Variants in ECSIT observed in about 807,000 individuals in gnomAD.
ECSIT encodes evolutionarily conserved signaling intermediate in Toll pathway, mitochondrial.
In ECSIT, 29 loss-of-function variants were observed where a neutral mutation model predicts 36.8. That is an observed-to-expected ratio of 0.79 (90% CI 0.59 to 1.08). The LOEUF (loss-of-function observed/expected upper bound fraction) is 1.08, where lower values mean the gene tolerates loss of function less well. Among genes scored for constraint, ECSIT ranks in the 50% least tolerant of loss-of-function variants. The probability of loss-of-function intolerance (pLI) is 0.00; values close to 1 mark genes in which losing one functional copy is unlikely to be tolerated. For missense variants in ECSIT, 542 were observed against 581.0 expected (o/e 0.93, Z 0.69); for synonymous variants, 231 against 234.8 (o/e 0.98, Z 0.15).
intron 1 of ECSIT, among the ~76,000 whole-genome samples, chr19:11,527,646 A>C (rs1270705135): frequency 6.6e-6 from 1 of 152,144 alleles, no homozygotes; most frequent in Non-Finnish European, 1.5e-5. Flanking sequence ...GCACTTGTGA[A>C]TAGCCACTGC....
At chr19:11,520,449 G>T (rs567559150) in intron 1 of ECSIT, among the ~76,000 whole-genome samples, 1 of 152,220 alleles carries the variant, frequency 6.6e-6, no homozygotes, top group Admixed American at 6.5e-5. Context: ...TGGGATTACA[G>T]GCGTGAGCCA....
chr19:11,524,498 T>C (rs1362860265), intron 1 of ECSIT, among the ~76,000 whole-genome samples: 1 of 151,872 alleles, frequency 6.6e-6, no homozygotes, highest in African/African-American at 2.4e-5. Flanking sequence ...CACTCCAGTC[T>C]GGATGACACA....
intron 1 of ECSIT, chr19:11,522,406 G>A: frequency 2.4e-6 from 3 of 1,273,712 alleles, no homozygotes; most frequent in Non-Finnish European, 2.3e-6. Context: ...GCAGTTCCAA[G>A]ACTCCAAGAT....
intron 4 of ECSIT, among the ~76,000 whole-genome samples, chr19:11,511,792 T>C (rs1455174453): frequency 6.6e-6 from 1 of 152,144 alleles, no homozygotes; most frequent in Non-Finnish European, 1.5e-5. Context: ...CCCAGCACTT[T>C]GGGAGGCCGA....
chr19:11,508,047 A>G lies in ECSIT; in HGVS notation c.740T>C (p.Val247Ala), dbSNP rs1971794024. Residue 247 changes from valine (V) to alanine (A), a missense_variant and splice_region_variant, in exon 5 of 8, where the codon GTT becomes GCT. Val to Ala is a moderately conservative substitution (Grantham distance 64). Coordinates refer to ENST00000270517, the MANE Select transcript of ECSIT (RefSeq NM_016581.5). ...DLSARVTIYQ[V>A]PLPKDSTGAA... ...ACCTGTTGAGTCTTTGGGCAAAGGA[A>G]CCTGCAAGGGAGAGTAGGGATATAA... 6.2e-7 allele frequency: 1 copy of G among 1,613,994 alleles called. No individual in the cohort carries two copies. The highest frequency in any genetic ancestry group is 1.1e-5 in the South Asian group (1 of 91,086).
intron 2 of ECSIT, among the ~76,000 whole-genome samples, chr19:11,516,677 G>A (rs1373655792): frequency 1.4e-5 from 2 of 141,392 alleles, no homozygotes; most frequent in Non-Finnish European, 3.0e-5. Flanking sequence ...ATGTGTGTGT[G>A]TTTATCTACA....
chr19:11,516,509 G>A (rs777143466), intron 2 of ECSIT, among the ~76,000 whole-genome samples: 5 of 151,938 alleles, frequency 3.3e-5, no homozygotes, highest in African/African-American at 1.2e-4. Context: ...AAAAATAAGC[G>A]GGGCGTGGTG....
intron 2 of ECSIT, among the ~76,000 whole-genome samples, chr19:11,518,471 C>T (rs1234587123): frequency 1.3e-5 from 2 of 152,048 alleles, no homozygotes; most frequent in Non-Finnish European, 2.9e-5. Flanking sequence ...AATCAGTGAT[C>T]CCAGCTACTC....
In ECSIT at chr19:11,506,235, G is replaced by GTCCTCGGGCAGGGGCGGC; in HGVS notation, c.1227_1244dup (p.Glu409_Glu414dup). 6.2e-7 allele frequency: 1 copy of GTCCTCGGGCAGGGGCGGC among 1,609,314 alleles called. No homozygotes were observed. Among genetic ancestry groups the GTCCTCGGGCAGGGGCGGC allele is most frequent in the Non-Finnish European group, 8.5e-7 (1 of 1,179,902 alleles). On this transcript the variant is annotated inframe_insertion, in exon 8 of 8. Coordinates refer to ENST00000270517, the MANE Select transcript of ECSIT (RefSeq NM_016581.5). ...GCAGGTTGTCGTCTTCTTCCTGGTG[G>GTCCTCGGGCAGGGGCGGC]TCCTCGGGCAGGGGCGGCTCCTCCA...
At chr19:11,514,322 A>T (rs1007548413) in intron 2 of ECSIT, 101 bp from the exon 3 acceptor site, 19 of 1,129,072 alleles carry the variant, frequency 1.7e-5, no homozygotes, top group Non-Finnish European at 2.3e-5. Context: ...GGCCTCCCTG[A>T]GGACTCGGAG....
At chr19:11,522,362 T>C (rs918373987) in intron 1 of ECSIT, 6 of 814,444 alleles carry the variant, frequency 7.4e-6, no homozygotes, top group East Asian at 5.0e-5. Flanking sequence ...ATGGAGGAGA[T>C]AGCAGCCAGC....
intron 1 of ECSIT, among the ~76,000 whole-genome samples, chr19:11,527,342 C>T (rs1305845175): frequency 2.6e-5 from 4 of 152,118 alleles, no homozygotes; most frequent in Non-Finnish European, 2.9e-5. Flanking sequence ...AATAAATCAA[C>T]TAAAATTAGT....
intron 2 of ECSIT, among the ~76,000 whole-genome samples, chr19:11,516,795 A>C (rs1259324763): frequency 1.3e-5 from 2 of 151,658 alleles, no homozygotes; most frequent in Non-Finnish European, 1.5e-5. Context: ...AGGCGGGCAG[A>C]TCACCTGAGG....
At chr19:11,517,732 A>G (rs929424741) in intron 2 of ECSIT, among the ~76,000 whole-genome samples, 5 of 152,156 alleles carry the variant, frequency 3.3e-5, no homozygotes, top group African/African-American at 9.7e-5. Flanking sequence ...GGTAATGTAA[A>G]TGAAATGCAT....
At chr19:11,528,322 G>T (rs1046209066) in intron 1 of ECSIT, among the ~76,000 whole-genome samples, 1 of 152,146 alleles carries the variant, frequency 6.6e-6, no homozygotes, top group South Asian at 2.1e-4. Context: ...CACAATCACG[G>T]CTCACTACAG....
chr19:11,520,316 T>C (rs1448860575), intron 1 of ECSIT, among the ~76,000 whole-genome samples: 3 of 151,638 alleles, frequency 2.0e-5, no homozygotes, highest in Non-Finnish European at 4.4e-5. Context: ...GGATTACAGG[T>C]ACATGCCACC....
At position 11,506,403 on chromosome 19, in the gene ECSIT, C is replaced by T. The variant is rs138790462; in HGVS notation, c.1077G>A (p.Met359Ile). ...CCTGGTCATGAGCACCCGCCATGCACATGGCGAAGACAGGGCCTTCCTCCA... is the reference window on the plus strand; with the variant it reads ...CCTGGTCATGAGCACCCGCCATGCATATGGCGAAGACAGGGCCTTCCTCCA... ...NEVEEGPVFA[M>I]CMAGAHDQAT... The change falls in exon 8 of 8, where the codon ATG (methionine) becomes ATA (isoleucine). Residue 359 changes from methionine to isoleucine, a missense_variant. Coordinates refer to ENST00000270517, the MANE Select transcript of ECSIT (RefSeq NM_016581.5). 39 of 1,613,248 alleles carry T rather than the reference C, an allele frequency of 2.4e-5. No homozygotes were observed. In the African/African-American group the frequency reaches 3.9e-4, roughly 16 times the overall value.
rs1295142231 is a variant in ECSIT, at chr19:11,507,509, G to C, written c.999C>G (p.Asp333Glu). 4 of 1,613,912 alleles carry C rather than the reference G, an allele frequency of 2.5e-6. No individual in the cohort carries two copies. Among genetic ancestry groups the C allele is most frequent in the Admixed American group, 3.3e-5 (2 of 59,972 alleles). Reference protein sequence around the residue: ...EWNLYYPMQLDLEYVRSGWDN... With the variant: ...EWNLYYPMQLELEYVRSGWDN... Reference sequence around the variant, plus strand: ...CCCAGCCACTCCTCACATACTCCAGGTCCAGCTGCATCGGGTAGTAGAGGT... The same window carrying C: ...CCCAGCCACTCCTCACATACTCCAGCTCCAGCTGCATCGGGTAGTAGAGGT... The change falls in exon 7 of 8, where the codon GAC (aspartate) becomes GAG (glutamate). Residue 333 changes from aspartate (D) to glutamate (E), a missense_variant. Transcript: ENST00000270517.
intron 1 of ECSIT, among the ~76,000 whole-genome samples, chr19:11,526,722 T>TC (rs1972222490): frequency 6.7e-6 from 1 of 149,714 alleles, no homozygotes; most frequent in Non-Finnish European, 1.5e-5. Flanking sequence ...GAGGGAGCTT[T>TC]TTTTTTTTTT....
Sources: gnomAD v4.1 joint callset for allele counts (sites outside exome capture counted in the v4.1 genomes callset) on GRCh38, gnomAD v4.1.1 for gene constraint, MANE v1.5 for transcripts, NCBI Gene and HGNC (gene_info 2026-07-23, HGNC 2026-07-21) for gene names.